The following DNM3 variants were observed in gnomAD, a reference collection of about 807,000 sequenced individuals.
DNM3 encodes the protein dynamin 3, also known as dynamin-3.
A neutral mutation model predicts 101.6 loss-of-function variants in DNM3; 47 were observed. The ratio of observed to expected loss-of-function variants is 0.46; its 90% CI spans 0.37 to 0.59. The LOEUF is 0.59. DNM3 is among the 20% of genes least tolerant of loss of function. DNM3 has a pLI of 0.00. For synonymous variants in DNM3, 385 were observed against 387.9 expected (o/e 0.99, Z 0.09); for missense variants, 849 against 1,085.7 (o/e 0.78, Z 3.06).
At chr1:172,107,194 T>A (rs1381296288) in intron 13 of DNM3, among the ~76,000 whole-genome samples, 2 of 152,148 alleles carry the variant, frequency 1.3e-5, no homozygotes, top group Non-Finnish European at 2.9e-5. Flanking sequence ...ATAATGAATA[T>A]GCACTACTAT....
intron 14 of DNM3, among the ~76,000 whole-genome samples, chr1:172,238,370 A>C (rs2061620652): frequency 6.6e-6 from 1 of 152,278 alleles, no homozygotes; most frequent in Admixed American, 6.5e-5. Context: ...ACCTAAGCCA[A>C]GAACCTCACC....
intron 1 of DNM3, among the ~76,000 whole-genome samples, chr1:171,903,275 A>G (rs1356813253): frequency 2.6e-5 from 4 of 152,220 alleles, no homozygotes; most frequent in Non-Finnish European, 4.4e-5. Flanking sequence ...TTCTTAAAAA[A>G]TGTTGTATGT....
At chr1:172,046,479 A>G (rs1025910054) in intron 9 of DNM3, among the ~76,000 whole-genome samples, 2 of 152,030 alleles carry the variant, frequency 1.3e-5, no homozygotes, top group African/African-American at 2.4e-5. Flanking sequence ...TGGGTGCAGC[A>G]CACCAGCATG....
chr1:172,150,501 TTTAG>T (rs1395753449), intron 14 of DNM3, among the ~76,000 whole-genome samples: 12 of 152,128 alleles, frequency 7.9e-5, no homozygotes, highest in Non-Finnish European at 1.6e-4. Context: ...GTTTGTTTTG[TTTAG>T]TTAGTTAGTA....
chr1:171,934,081 A>T (rs1344823989), intron 2 of DNM3, among the ~76,000 whole-genome samples: 1 of 152,314 alleles, frequency 6.6e-6, no homozygotes, highest in Admixed American at 6.5e-5. Context: ...CTTCAGAACA[A>T]TGCCTTTCTC....
chr1:172,279,180 A>C (rs1174724833), intron 15 of DNM3, among the ~76,000 whole-genome samples: 1 of 152,186 alleles, frequency 6.6e-6, no homozygotes, highest in African/African-American at 2.4e-5. Flanking sequence ...AGCATTTTTC[A>C]GTTCCTTTTA....
At chr1:172,351,099 T>C (rs928675610) in intron 17 of DNM3, among the ~76,000 whole-genome samples, 1 of 152,184 alleles carries the variant, frequency 6.6e-6, no homozygotes, top group Non-Finnish European at 1.5e-5. Context: ...TCCTGACTCA[T>C]ATTTTAGTAT....
chr1:172,223,273 T>A (rs1238386134), intron 14 of DNM3, among the ~76,000 whole-genome samples: 1 of 124,482 alleles, frequency 8.0e-6, no homozygotes, highest in Admixed American at 7.7e-5. Flanking sequence ...TTTTCTTTTC[T>A]TTTTTTTTTT....
chr1:171,942,891 T>A (rs1006037516), intron 2 of DNM3, among the ~76,000 whole-genome samples: 1 of 152,076 alleles, frequency 6.6e-6, no homozygotes, highest in African/African-American at 2.4e-5. Context: ...GCAGGAGGAC[T>A]GCTTGTGTTC....
At chr1:172,054,003 C>T (rs1178541129) in intron 10 of DNM3, among the ~76,000 whole-genome samples, 2 of 152,132 alleles carry the variant, frequency 1.3e-5, no homozygotes, top group Admixed American at 1.3e-4. Flanking sequence ...TGAATACTTT[C>T]ACTGGAGTAA....
intron 14 of DNM3, among the ~76,000 whole-genome samples, chr1:172,238,470 G>T (rs1471467796): frequency 3.3e-5 from 5 of 152,082 alleles, no homozygotes; most frequent in Non-Finnish European, 7.4e-5. Context: ...TATTACCCAG[G>T]AAGAATAATT....
At chr1:172,387,633 G>C (rs1267568281) in intron 19 of DNM3, among the ~76,000 whole-genome samples, 1 of 151,664 alleles carries the variant, frequency 6.6e-6, no homozygotes, top group African/African-American at 2.4e-5. Context: ...ACTCCAGCCT[G>C]GGTGACAGAG....
At chr1:172,395,487 A>G (rs1451912302) in intron 20 of DNM3, among the ~76,000 whole-genome samples, 3 of 152,164 alleles carry the variant, frequency 2.0e-5, no homozygotes, top group Admixed American at 6.5e-5. Context: ...CAAAATTTAA[A>G]TAACGTTTAC....
chr1:172,350,925 A>G (rs1573566556), intron 17 of DNM3, among the ~76,000 whole-genome samples: 1 of 152,192 alleles, frequency 6.6e-6, no homozygotes, highest in East Asian at 1.9e-4. Flanking sequence ...CAAGTCTCCC[A>G]GAGACAAAAG....
intron 2 of DNM3, among the ~76,000 whole-genome samples, chr1:171,950,091 G>T (rs1406585330): frequency 6.6e-6 from 1 of 152,110 alleles, no homozygotes; most frequent in Non-Finnish European, 1.5e-5. Context: ...GGAATTATGT[G>T]CTCAATGGCT....
At chr1:172,089,103 T>C (rs1433320882) in intron 12 of DNM3, among the ~76,000 whole-genome samples, 2 of 152,250 alleles carry the variant, frequency 1.3e-5, no homozygotes, top group African/African-American at 4.8e-5. Context: ...TGAGAAGATA[T>C]GGGTAATTAT....
chr1:171,921,027 G>A (rs1014809065), intron 1 of DNM3, among the ~76,000 whole-genome samples: 1 of 151,954 alleles, frequency 6.6e-6, no homozygotes, highest in Admixed American at 6.6e-5. Flanking sequence ...AGGCTCAAGC[G>A]ATCCTCCCAC....
intron 1 of DNM3, among the ~76,000 whole-genome samples, chr1:171,888,596 A>T (rs551184101): frequency 6.6e-6 from 1 of 152,308 alleles, no homozygotes; most frequent in African/African-American, 2.4e-5. Flanking sequence ...TTCTAAGGTT[A>T]TTATGAGGGT....
chr1:171,845,611 C>T (rs972412180), intron 1 of DNM3, among the ~76,000 whole-genome samples: 2 of 152,214 alleles, frequency 1.3e-5, no homozygotes, highest in Admixed American at 1.3e-4. Context: ...TATTTATTTA[C>T]ATATGTTTAC....
Sources: gnomAD v4.1 joint callset for allele counts (sites outside exome capture counted in the v4.1 genomes callset) on GRCh38, gnomAD v4.1.1 for gene constraint, MANE v1.5 for transcripts, NCBI Gene and HGNC (gene_info 2026-07-23, HGNC 2026-07-21) for gene names.